Variants in MYO1E observed in about 807,000 individuals in gnomAD.
MYO1E encodes myosin IE, also known as unconventional myosin-Ie.
Under a neutral mutation model 151.1 loss-of-function variants are expected in MYO1E, and 68 were observed. The ratio of observed to expected loss-of-function variants is 0.45; its 90% CI spans 0.37 to 0.55. MYO1E has a LOEUF of 0.55. Among genes scored for constraint, MYO1E ranks in the 20% least tolerant of loss-of-function variants. The pLI, the probability that MYO1E is intolerant of heterozygous loss-of-function variation, is 0.00. For synonymous variants in MYO1E, 601 were observed against 501.7 expected (o/e 1.20, Z -2.64); for missense variants, 1,363 against 1,389.3 (o/e 0.98, Z 0.30).
intron 22 of MYO1E, among the ~76,000 whole-genome samples, chr15:59,165,353 GC>G (rs201496085): frequency 0.014 from 2,094 of 152,322 alleles, 41 homozygotes; most frequent in South Asian, 0.03. Context: ...CTGAAGAGCA[GC>G]CAAAGAGTTT....
intron 8 of MYO1E, among the ~76,000 whole-genome samples, chr15:59,223,466 T>A (rs2079969039): frequency 6.6e-6 from 1 of 152,216 alleles, no homozygotes; most frequent in East Asian, 1.9e-4. Context: ...GAAGGGCACT[T>A]CTGTCTCTAA....
intron 1 of MYO1E, among the ~76,000 whole-genome samples, chr15:59,349,831 T>C (rs1260689261): frequency 6.6e-6 from 1 of 152,214 alleles, no homozygotes; most frequent in Non-Finnish European, 1.5e-5. Context: ...ACAGGCAACA[T>C]GCAACTCTTT....
intron 1 of MYO1E, among the ~76,000 whole-genome samples, chr15:59,306,605 T>C (rs1466091843): frequency 6.6e-6 from 1 of 152,238 alleles, no homozygotes; most frequent in Non-Finnish European, 1.5e-5. Flanking sequence ...AAATGCTAAA[T>C]TTGTGAGTGC....
chr15:59,142,817 C>T (rs1301527987), intron 26 of MYO1E, among the ~76,000 whole-genome samples: 3 of 148,852 alleles, frequency 2.0e-5, no homozygotes, highest in Admixed American at 6.8e-5. Context: ...ACTGGTGAAA[C>T]TCACAATGAT....
intron 18 of MYO1E, among the ~76,000 whole-genome samples, chr15:59,180,813 G>A (rs2079654063): frequency 6.6e-6 from 1 of 152,204 alleles, no homozygotes; most frequent in Non-Finnish European, 1.5e-5. Context: ...CAGGGCAATG[G>A]TGCCCCTGCC....
intron 1 of MYO1E, among the ~76,000 whole-genome samples, chr15:59,337,562 G>A (rs2080736874): frequency 6.6e-6 from 1 of 152,202 alleles, no homozygotes; most frequent in African/African-American, 2.4e-5. Context: ...TGGGCACAGT[G>A]GCTCACGCCT....
chr15:59,322,364 T>G lies in MYO1E; in HGVS notation c.4-49915A>C, dbSNP rs760898254. Among the ~76,000 whole-genome samples, 21 of 152,256 alleles carry G rather than the reference T, an allele frequency of 1.4e-4. No homozygotes were observed. In the East Asian group the frequency reaches 1.5e-3, roughly 11 times the overall value. On this transcript the variant is annotated intron_variant, in intron 1 of 27. Coordinates refer to ENST00000288235, the MANE Select transcript of MYO1E (RefSeq NM_004998.4). Reference sequence around the variant, plus strand: ...GTGTCACCTTTTCAACATAAGAAACTGTCACCATGAAACTGTATCTATACT... The same window carrying G: ...GTGTCACCTTTTCAACATAAGAAACGGTCACCATGAAACTGTATCTATACT...
intron 9 of MYO1E, among the ~76,000 whole-genome samples, chr15:59,219,519 G>T (rs2079940809): frequency 6.6e-6 from 1 of 152,192 alleles, no homozygotes; most frequent in East Asian, 1.9e-4. Context: ...ACATTTCTCA[G>T]TATACACCTT....
chr15:59,283,182 G>A (rs921036155), intron 1 of MYO1E, among the ~76,000 whole-genome samples: 2 of 151,550 alleles, frequency 1.3e-5, no homozygotes, highest in African/African-American at 4.9e-5. Flanking sequence ...AAATCTTAGC[G>A]AGGCTTCCCT....
At position 59,222,984 on chromosome 15, in the gene MYO1E, A is replaced by C. The variant is rs1467366550; in HGVS notation, c.910+75T>G. Reference sequence around the variant, plus strand: ...CAATATTCCCATTTGAGATCTAAGCAAAGGAAAGTGCTAGGTTACTTCTAA... The same window carrying C: ...CAATATTCCCATTTGAGATCTAAGCCAAGGAAAGTGCTAGGTTACTTCTAA... On this transcript the variant is annotated intron_variant, in intron 9 of 27. Transcript: ENST00000288235. 3 of 1,593,950 alleles carry C rather than the reference A, an allele frequency of 1.9e-6. No individual in the cohort carries two copies. In the East Asian group the frequency reaches 6.7e-5, roughly 36 times the overall value.
chr15:59,273,707 A>G (rs1463172116), intron 1 of MYO1E, among the ~76,000 whole-genome samples: 2 of 151,698 alleles, frequency 1.3e-5, no homozygotes, highest in Non-Finnish European at 2.9e-5. Context: ...ATCTACACTT[A>G]TCAGCAAAAA....
chr15:59,347,020 G>A (rs944290877), intron 1 of MYO1E, among the ~76,000 whole-genome samples: 10 of 152,156 alleles, frequency 6.6e-5, no homozygotes, highest in Non-Finnish European at 1.5e-5. Context: ...CACCATGTCT[G>A]TGGGTATAAG....
chr15:59,325,055 G>A (rs11854485), intron 1 of MYO1E, among the ~76,000 whole-genome samples: 114,517 of 150,836 alleles, frequency 0.76, 43,956 homozygotes, highest in Middle Eastern at 0.82. Context: ...TTTATTTCTG[G>A]GACAGAATCT....
chr15:59,144,530 A>C (rs2079429478), intron 26 of MYO1E, among the ~76,000 whole-genome samples: 1 of 152,012 alleles, frequency 6.6e-6, no homozygotes, highest in Admixed American at 6.6e-5. Flanking sequence ...CCTGGGCTTA[A>C]GCGATCCTCC....
intron 1 of MYO1E, among the ~76,000 whole-genome samples, chr15:59,280,466 A>C (rs961110758): frequency 8.0e-4 from 121 of 151,956 alleles, no homozygotes; most frequent in African/African-American, 2.8e-3. Flanking sequence ...CCCTGCTAAA[A>C]ATACAAAATT....
At chr15:59,188,674 T>C (rs2079714198) in intron 17 of MYO1E, among the ~76,000 whole-genome samples, 1 of 152,146 alleles carries the variant, frequency 6.6e-6, no homozygotes, top group Non-Finnish European at 1.5e-5. Flanking sequence ...CCAGCCTGCA[T>C]GACAGAGTGA....
rs1285120613 is a variant in MYO1E, at chr15:59,350,823, C to T, written c.3+21675G>A. Among the ~76,000 whole-genome samples, 2 of 152,148 alleles carry T rather than the reference C, an allele frequency of 1.3e-5. No homozygotes were observed. The highest frequency in any genetic ancestry group is 2.1e-4 in the South Asian group (1 of 4,828). Reference sequence around the variant, plus strand: ...AATTTGGAGAAGGGAATGATCTCCACGAGTTAAATCAGAGGCTTCCAGGAA... The same window carrying T: ...AATTTGGAGAAGGGAATGATCTCCATGAGTTAAATCAGAGGCTTCCAGGAA... On this transcript the variant is annotated intron_variant, in intron 1 of 27. Coordinates refer to ENST00000288235, the MANE Select transcript of MYO1E (RefSeq NM_004998.4). The surrounding 1 kb of genome is among the most constrained non-coding windows in gnomAD (Gnocchi z 5.0).
chr15:59,200,397 G>A (rs2079793878), intron 16 of MYO1E, among the ~76,000 whole-genome samples: 1 of 152,172 alleles, frequency 6.6e-6, no homozygotes, highest in African/African-American at 2.4e-5. Flanking sequence ...TCAGCAATCT[G>A]CCCCAGTGAG....
intron 1 of MYO1E, among the ~76,000 whole-genome samples, chr15:59,314,606 T>C (rs571333917): frequency 6.6e-6 from 1 of 151,954 alleles, no homozygotes; most frequent in Admixed American, 6.6e-5. Context: ...CTTAGGCTCA[T>C]TATACAACCC....
Sources: allele counts gnomAD v4.1 joint callset (sites outside exome capture counted in the v4.1 genomes callset), GRCh38; gene constraint gnomAD v4.1.1; non-coding constraint Gnocchi (gnomAD v3.1); transcripts MANE v1.5; gene names NCBI Gene and HGNC (gene_info 2026-07-23, HGNC 2026-07-21).